The following GLYATL3 variants were observed in gnomAD, a reference collection of about 807,000 sequenced individuals.
GLYATL3 encodes glycine-N-acyltransferase like 3, also known as glycine N-acyltransferase-like protein 3.
In GLYATL3, 31 loss-of-function variants were observed where a neutral mutation model predicts 28.5. That is an observed-to-expected ratio of 1.09 (90% CI 0.82 to 1.47). The LOEUF (loss-of-function observed/expected upper bound fraction) is 1.47. Ranked by LOEUF, GLYATL3 falls within the 40% of genes most tolerant of loss-of-function variation. The pLI is 0.00. For synonymous variants in GLYATL3, 141 were observed against 140.2 expected (o/e 1.01, Z -0.04); for missense variants, 369 against 351.5 (o/e 1.05, Z -0.40).
Position 49,524,851 on chromosome 6 carries a change from G to T in GLYATL3, c.441-1637G>T, listed in dbSNP as rs559801070. Among the ~76,000 whole-genome samples, 182 of 151,446 alleles carry T rather than the reference G, an allele frequency of 1.2e-3. 1 individual carries two copies. The South Asian group carries it at 0.036, about 30-fold the overall frequency. On this transcript the variant is annotated intron_variant, in intron 5 of 5. Transcript: ENST00000371197. ...AAAAATTAGCTGGGCATGTTGGCAC[G>T]CGCCTGTCATCCCAGCTGCTTGGGA... is the stretch of plus-strand genomic sequence containing the variant.
chr6:49,518,373 C>T (rs758312067), intron 4 of GLYATL3, among the ~76,000 whole-genome samples: 1 of 152,140 alleles, frequency 6.6e-6, no homozygotes, highest in South Asian at 2.1e-4. Context: ...GAATAGTTTC[C>T]GCGTCAGTGT....
At chr6:49,518,738 AG>A (rs985862438) in intron 4 of GLYATL3, among the ~76,000 whole-genome samples, 2 of 152,152 alleles carry the variant, frequency 1.3e-5, no homozygotes, top group Non-Finnish European at 2.9e-5. Flanking sequence ...CAGGAGATTG[AG>A]ACCATTCTGG....
At chr6:49,501,918 T>C (rs1052279222) in intron 1 of GLYATL3, among the ~76,000 whole-genome samples, 4 of 152,196 alleles carry the variant, frequency 2.6e-5, no homozygotes, top group Non-Finnish European at 4.4e-5. Flanking sequence ...TTTTCTGGGA[T>C]AGGAATCTTG....
chr6:49,524,854 C>T (rs1266832713), intron 5 of GLYATL3, among the ~76,000 whole-genome samples: 1 of 151,560 alleles, frequency 6.6e-6, no homozygotes, highest in African/African-American at 2.4e-5. Flanking sequence ...TTGGCACGCG[C>T]CTGTCATCCC....
chr6:49,512,215 C>A (rs1003574231), intron 2 of GLYATL3, 147 bp downstream of exon 2: 2 of 434,996 alleles, frequency 4.6e-6, no homozygotes, highest in Non-Finnish European at 4.0e-6. Flanking sequence ...CTCCCTCCTG[C>A]TAGAGACAGA....
chr6:49,520,527 A>G (rs532272890), intron 4 of GLYATL3, among the ~76,000 whole-genome samples: 15 of 152,334 alleles, frequency 9.8e-5, no homozygotes, highest in Admixed American at 5.9e-4. Flanking sequence ...CTTCCCACTC[A>G]TGCATTCTTC....
chr6:49,523,551 C>G (rs938768111), intron 5 of GLYATL3, among the ~76,000 whole-genome samples: 74 of 152,214 alleles, frequency 4.9e-4, no homozygotes, highest in African/African-American at 1.6e-3. Flanking sequence ...TAGCCCCCCT[C>G]CAGATCCATG....
chr6:49,520,648 G>A (rs1272547084), intron 4 of GLYATL3, among the ~76,000 whole-genome samples: 1 of 152,166 alleles, frequency 6.6e-6, no homozygotes, highest in Non-Finnish European at 1.5e-5. Flanking sequence ...ACAGGACACA[G>A]GCTGGAAAGG....
At chr6:49,504,226 CT>C (rs1768968030) in intron 1 of GLYATL3, among the ~76,000 whole-genome samples, 1 of 103,006 alleles carries the variant, frequency 9.7e-6, no homozygotes, top group Non-Finnish European at 1.9e-5. Context: ...TTTTTCTTTT[CT>C]TTTTTTCTTT....
At chr6:49,526,148 G>C (rs1219775713) in intron 5 of GLYATL3, among the ~76,000 whole-genome samples, 1 of 152,166 alleles carries the variant, frequency 6.6e-6, no homozygotes, top group South Asian at 2.1e-4. Flanking sequence ...GGGCATGGTG[G>C]CTCACGCCTA....
chr6:49,521,865 T>C (rs1769322548), intron 5 of GLYATL3, 94 bp downstream of exon 5: 1 of 1,099,344 alleles, frequency 9.1e-7, no homozygotes, highest in South Asian at 1.6e-5. Context: ...CTATGGAATA[T>C]CCAGGCACTC....
At position 49,527,349 on chromosome 6, in the gene GLYATL3, A is replaced by G. The variant is rs1187627625; in HGVS notation, c.*435A>G. 6.6e-6 allele frequency among the ~76,000 whole-genome samples: 1 copy of G among 152,108 alleles called. No individual in the cohort carries two copies. The highest frequency in any genetic ancestry group is 2.4e-5 in the African/African-American group (1 of 41,420). ...ATCATATTCCCCTGTCCCCACTGCT[A>G]TGTCTCATCAACCTCTGTTCCTAAC... On this transcript the variant is annotated 3_prime_UTR_variant, in exon 6 of 6. Coordinates refer to ENST00000371197, the MANE Select transcript of GLYATL3 (RefSeq NM_001010904.2).
At chr6:49,520,683 G>A (rs747658738) in intron 4 of GLYATL3, among the ~76,000 whole-genome samples, 6 of 152,108 alleles carry the variant, frequency 3.9e-5, no homozygotes, top group Non-Finnish European at 5.9e-5. Context: ...GATTTGGAAA[G>A]GTGGAGAAAG....
intron 5 of GLYATL3, among the ~76,000 whole-genome samples, chr6:49,523,969 G>A (rs1482307557): frequency 6.7e-6 from 1 of 149,136 alleles, no homozygotes; most frequent in Middle Eastern, 3.2e-3. Flanking sequence ...GTTTTAACTT[G>A]AACTCTTCTG....
chr6:49,505,824 A>G (rs572878555), intron 1 of GLYATL3, among the ~76,000 whole-genome samples: 13 of 152,328 alleles, frequency 8.5e-5, no homozygotes, highest in Non-Finnish European at 1.6e-4. Flanking sequence ...ATACCCATTC[A>G]ACTAGAGAAT....
chr6:49,521,786 T>C lies in GLYATL3; in HGVS notation c.440+15T>C, dbSNP rs1413425912. On this transcript the variant is annotated intron_variant, in intron 5 of 5. Transcript: ENST00000371197. ...ACCAGTTTCCTGTATGTAAACCAAG[T>C]TTTTGCATTTGGGGCAGGACTTACT... 1 of 1,549,338 alleles carries C rather than the reference T, an allele frequency of 6.5e-7. No individual in the cohort carries two copies. The highest frequency in any genetic ancestry group is 2.4e-5 in the East Asian group (1 of 40,904).
At chr6:49,502,498 T>C (rs1180618171) in intron 1 of GLYATL3, among the ~76,000 whole-genome samples, 1 of 152,332 alleles carries the variant, frequency 6.6e-6, no homozygotes, top group Non-Finnish European at 1.5e-5. Context: ...TTGAAACGGA[T>C]TTATAGAAAA....
chr6:49,526,581 C>T lies in GLYATL3; in HGVS notation c.534C>T (p.Leu178=). 6.4e-7 allele frequency: 1 copy of T among 1,551,932 alleles called. No individual in the cohort carries two copies. Among genetic ancestry groups the T allele is most frequent in the Non-Finnish European group, 8.7e-7 (1 of 1,147,030 alleles). ...CCCGGGGAGGCAATGAACAATGTCT[C>T]CGGTACATCGCCAACCTCATCTCCT... ...TWSRGGNEQC[L]RYIANLISCF... is the part of the protein sequence containing the mutation. Residue 178 remains leucine (L), a synonymous_variant, in exon 6 of 6, where the codon CTC becomes CTT. Transcript: ENST00000371197.
chr6:49,503,268 T>C (rs1341451987), intron 1 of GLYATL3, among the ~76,000 whole-genome samples: 2 of 152,222 alleles, frequency 1.3e-5, no homozygotes, highest in Non-Finnish European at 2.9e-5. Context: ...AAAATAGTAG[T>C]GTAAATCAAT....
Sources: gnomAD v4.1 joint callset for allele counts (sites outside exome capture counted in the v4.1 genomes callset) on GRCh38, gnomAD v4.1.1 for gene constraint, MANE v1.5 for transcripts, NCBI Gene and HGNC (gene_info 2026-07-23, HGNC 2026-07-21) for gene names.